The following HSPG2 variants were observed in gnomAD, a reference collection of about 807,000 sequenced individuals.
The protein encoded by HSPG2 is heparan sulfate proteoglycan 2, also known as basement membrane-specific heparan sulfate proteoglycan core protein.
Under a neutral mutation model 526.6 loss-of-function variants are expected in HSPG2, and 278 were observed. The ratio of observed to expected loss-of-function variants is 0.53; its 90% CI spans 0.48 to 0.58. The LOEUF (loss-of-function observed/expected upper bound fraction) is 0.58. HSPG2 is among the 20% of genes least tolerant of loss of function. The probability of loss-of-function intolerance (pLI) is 0.00; values close to 1 mark genes in which losing one functional copy is unlikely to be tolerated. For synonymous variants in HSPG2, 2,465 were observed against 2,555.4 expected (o/e 0.96, Z 1.07); for missense variants, 5,354 against 6,099.5 (o/e 0.88, Z 4.07).
intron 13 of HSPG2, among the ~76,000 whole-genome samples, chr1:21,882,931 C>T (rs1464226355): frequency 6.6e-6 from 1 of 152,156 alleles, no homozygotes; most frequent in Non-Finnish European, 1.5e-5. Context: ...AGCACAGCCC[C>T]GGGTCTAGGT....
At chr1:21,886,717 G>A (rs1041577301) in intron 9 of HSPG2, among the ~76,000 whole-genome samples, 1 of 152,148 alleles carries the variant, frequency 6.6e-6, no homozygotes, top group African/African-American at 2.4e-5. Context: ...ATGGATGGGT[G>A]GATAGATGGA....
intron 1 of HSPG2, among the ~76,000 whole-genome samples, chr1:21,931,401 C>T (rs780103112): frequency 1.3e-5 from 2 of 152,206 alleles, no homozygotes; most frequent in African/African-American, 2.4e-5. Context: ...AAGGCCCAGG[C>T]GGAAGCAACA....
intron 47 of HSPG2, 26 bp downstream of exon 47, chr1:21,855,278 C>A (rs779170241): frequency 6.3e-7 from 1 of 1,591,408 alleles, no homozygotes; most frequent in South Asian, 1.1e-5. Context: ...TGGGCCTCCT[C>A]CTCCTGGGTG....
At chr1:21,845,909 G>A (rs964687360) in intron 64 of HSPG2, among the ~76,000 whole-genome samples, 199 bp downstream of exon 64, 6 of 152,218 alleles carry the variant, frequency 3.9e-5, no homozygotes, top group East Asian at 1.9e-4. Context: ...CTCGCAAGCC[G>A]TGGAGAGGGA....
At position 21,847,667 on chromosome 1, in the gene HSPG2, C is replaced by A; in HGVS notation, c.8025+22G>T. 6.2e-7 allele frequency: 1 copy of A among 1,603,158 alleles called. No homozygotes were observed. Among genetic ancestry groups the A allele is most frequent in the Non-Finnish European group, 8.5e-7 (1 of 1,175,036 alleles). On this transcript the variant is annotated intron_variant, in intron 61 of 96. Coordinates refer to ENST00000374695, the MANE Select transcript of HSPG2 (RefSeq NM_005529.7). This position sits in a 1 kb window ranked among gnomAD's most constrained non-coding sequence, Gnocchi z 4.1. ...CCAGGAGACCATGGTTCCACCCCCG[C>A]TGCTGTGGCTCCACTCTGTACCTGG...
chr1:21,832,369 C>G (rs1572159135), intron 81 of HSPG2, 126 bp downstream of exon 81: 2 of 793,582 alleles, frequency 2.5e-6, no homozygotes, highest in Admixed American at 2.0e-5. Context: ...GGGTGGTCAC[C>G]AAGGGTAACG....
chr1:21,907,690 T>C (rs1229260345), intron 1 of HSPG2, among the ~76,000 whole-genome samples: 3 of 152,124 alleles, frequency 2.0e-5, no homozygotes, highest in Non-Finnish European at 4.4e-5. Context: ...GCTAATTTAT[T>C]TTTTGTAGAG....
Position 21,904,471 on chromosome 1 carries a change from C to T in HSPG2, c.64-8161G>A, listed in dbSNP as rs34788602. Among the ~76,000 whole-genome samples, 1,712 of 152,218 alleles carry T rather than the reference C, an allele frequency of 0.011. 21 individuals are homozygous for T. The highest frequency in any genetic ancestry group is 0.022 in the South Asian group (105 of 4,818). On this transcript the variant is annotated intron_variant, in intron 1 of 96. Transcript: ENST00000374695. This position sits in a 1 kb window ranked among gnomAD's most constrained non-coding sequence, Gnocchi z 4.4. ...TGGGCTTTTCCATTTAAAAGGGCCG[C>T]CCCTCAGTTGTGCTGCTGACCCGGT...
Position 21,829,121 on chromosome 1 carries a change from C to G in HSPG2, c.11993-42G>C, listed in dbSNP as rs566067933. On this transcript the variant is annotated intron_variant, in intron 87 of 96. Coordinates refer to ENST00000374695, the MANE Select transcript of HSPG2 (RefSeq NM_005529.7). Reference sequence around the variant, plus strand: ...GCAGGGTTGGGCACATGGGGGCACACGGGGCTCCCTGCCCTCTCCACCACA... The same window carrying G: ...GCAGGGTTGGGCACATGGGGGCACAGGGGGCTCCCTGCCCTCTCCACCACA... 94 of 1,523,102 alleles carry G rather than the reference C, an allele frequency of 6.2e-5. No homozygotes were observed. The East Asian group carries it at 2.1e-3, about 34-fold the overall frequency. 94.3% of individuals were successfully genotyped at this position (1,523,102 alleles called of 1,614,324 possible).
Position 21,829,561 on chromosome 1 carries a change from G to A in HSPG2, c.11814C>T (p.Tyr3938=). 1 of 1,610,828 alleles carries A rather than the reference G, an allele frequency of 6.2e-7. No individual in the cohort carries two copies. The highest frequency in any genetic ancestry group is 8.5e-7 in the Non-Finnish European group (1 of 1,178,328). ...TTPSLSGAGS[Y]LALPALTNTH... ...TGTTGGTGAGGGCGGGCAGTGCCAGGTAGGAGCCAGCACCCGACAGCGAGG... is the reference window on the plus strand; with the variant it reads ...TGTTGGTGAGGGCGGGCAGTGCCAGATAGGAGCCAGCACCCGACAGCGAGG... The change falls in exon 87 of 97, where the codon TAC becomes TAT. Residue 3938 remains tyrosine (Y), a synonymous_variant. Coordinates refer to ENST00000374695, the MANE Select transcript of HSPG2 (RefSeq NM_005529.7).
At position 21,865,868 on chromosome 1, in the gene HSPG2, T is replaced by C. The variant is rs1248122283; in HGVS notation, c.4222-59A>G. 4.6e-6 allele frequency: 6 copies of C among 1,317,230 alleles called. No homozygotes were observed. The highest frequency in any genetic ancestry group is 1.2e-5 in the South Asian group (1 of 85,262). The allele number at this position is 1,317,230 out of a possible 1,614,324, so 81.6% of individuals were successfully genotyped here. A position where few individuals can be genotyped will look rare whatever the true frequency, so the allele number is the denominator to read the frequency against. The stretch of plus-strand genomic sequence containing the variant: ...ACCTTGGGGTGTGAGTGTTGGACCA[T>C]ATAGGTGAGGGATGGAGCATCTGGC... On this transcript the variant is annotated intron_variant, in intron 33 of 96. Transcript: ENST00000374695. The surrounding 1 kb of genome is among the most constrained non-coding windows in gnomAD (Gnocchi z 5.4).
chr1:21,875,776 C>T, intron 24 of HSPG2, 29 bp from the exon 25 acceptor site: 1 of 1,605,334 alleles, frequency 6.2e-7, no homozygotes, highest in Non-Finnish European at 8.5e-7. Flanking sequence ...ATGTGCTCAG[C>T]CCCTGACGTC....
rs1234406117 is a variant in HSPG2, at chr1:21,865,214, T to C, written c.4395+71A>G. ...TGGGGAGCGAGAGACAGGGTGGGTA[T>C]CAAAGCCAGGCTCTGAGTCAGGGTG... On this transcript the variant is annotated intron_variant, in intron 35 of 96. Coordinates refer to ENST00000374695, the MANE Select transcript of HSPG2 (RefSeq NM_005529.7). The surrounding 1 kb of genome is among the most constrained non-coding windows in gnomAD (Gnocchi z 5.4). 44 of 1,550,888 alleles carry C rather than the reference T, an allele frequency of 2.8e-5. No individual in the cohort carries two copies. Among genetic ancestry groups the C allele is most frequent in the Non-Finnish European group, 2.4e-5 (27 of 1,122,774 alleles).
chr1:21,869,577 C>A, intron 33 of HSPG2: 2 of 986,224 alleles, frequency 2.0e-6, no homozygotes, highest in South Asian at 9.4e-5. Flanking sequence ...GAGGAGAGAG[C>A]CCCTGGGGAG....
chr1:21,840,463 G>A (rs186518296), intron 71 of HSPG2, among the ~76,000 whole-genome samples: 206 of 152,120 alleles, frequency 1.4e-3, no homozygotes, highest in African/African-American at 4.0e-3. Flanking sequence ...CCGCCATCAC[G>A]CCTGGCTAAT....
Position 21,887,903 on chromosome 1 carries a change from A to G in HSPG2, c.703+35T>C, listed in dbSNP as rs755953691. Reference sequence around the variant, plus strand: ...TGTAGGACCCTGGCCCTCCCCTGGCACCCAAACCACTCGTGGCCCCGGACA... The same window carrying G: ...TGTAGGACCCTGGCCCTCCCCTGGCGCCCAAACCACTCGTGGCCCCGGACA... On this transcript the variant is annotated intron_variant, in intron 7 of 96. Transcript: ENST00000374695. This position sits in a 1 kb window ranked among gnomAD's most constrained non-coding sequence, Gnocchi z 5.0. 1.2e-5 allele frequency: 19 copies of G among 1,613,452 alleles called. No individual in the cohort carries two copies. The highest frequency in any genetic ancestry group is 7.7e-5 in the South Asian group (7 of 91,066).
At chr1:21,850,017 G>T in intron 57 of HSPG2, 24 bp downstream of exon 57, 1 of 1,612,064 alleles carries the variant, frequency 6.2e-7, no homozygotes, top group South Asian at 1.1e-5. Flanking sequence ...GGTCCTTCAG[G>T]CTTCCTGAGC....
At chr1:21,853,843 A>G (rs909429164) in intron 50 of HSPG2, 1 of 346,726 alleles carries the variant, frequency 2.9e-6, no homozygotes, top group African/African-American at 2.1e-5. Context: ...GTACTGCTCC[A>G]TTTCATAGAT....
At chr1:21,851,217 C>A (rs1310774449) in intron 55 of HSPG2, 2 of 373,714 alleles carry the variant, frequency 5.4e-6, no homozygotes, top group East Asian at 1.3e-4. Context: ...AGGCGATTCG[C>A]CCACCTCGGC....
Sources: allele counts gnomAD v4.1 joint callset (sites outside exome capture counted in the v4.1 genomes callset), GRCh38; gene constraint gnomAD v4.1.1; non-coding constraint Gnocchi (gnomAD v3.1); transcripts MANE v1.5; gene names NCBI Gene and HGNC (gene_info 2026-07-23, HGNC 2026-07-21).